Variants in FAM174B observed in about 807,000 individuals in gnomAD.
FAM174B encodes the protein family with sequence similarity 174 member B.
A neutral mutation model predicts 10.9 loss-of-function variants in FAM174B; 12 were observed. The ratio of observed to expected loss-of-function variants is 1.10; its 90% CI spans 0.71 to 1.79. The LOEUF (loss-of-function observed/expected upper bound fraction) is 1.79. Among genes scored for constraint, FAM174B ranks in the 40% most tolerant of loss-of-function variants. The probability of loss-of-function intolerance (pLI) is 0.00; values close to 1 mark genes in which losing one functional copy is unlikely to be tolerated. For missense variants in FAM174B, 266 were observed against 233.3 expected (o/e 1.14, Z -0.91); for synonymous variants, 132 against 115.8 (o/e 1.14, Z -0.90).
At chr15:92,650,802 C>T (rs1269310028) in intron 1 of FAM174B, among the ~76,000 whole-genome samples, 2 of 152,192 alleles carry the variant, frequency 1.3e-5, no homozygotes, top group Non-Finnish European at 1.5e-5. Flanking sequence ...AGCCTCTTTG[C>T]TGATTCCCTT....
chr15:92,635,579 CTTT>C (rs34666199), intron 1 of FAM174B, among the ~76,000 whole-genome samples: 11 of 128,246 alleles, frequency 8.6e-5, no homozygotes, highest in Admixed American at 1.6e-4. Flanking sequence ...ATATTTCTTT[CTTT>C]TTTTTTTTTT....
intron 2 of FAM174B, among the ~76,000 whole-genome samples, chr15:92,629,971 A>T (rs932620269): frequency 6.6e-6 from 1 of 152,182 alleles, no homozygotes; most frequent in East Asian, 1.9e-4. Flanking sequence ...AGGCCTCTGC[A>T]GCCATGTGGA....
At chr15:92,635,848 T>C (rs1454712766) in intron 1 of FAM174B, among the ~76,000 whole-genome samples, 1 of 152,170 alleles carries the variant, frequency 6.6e-6, no homozygotes, top group East Asian at 1.9e-4. Flanking sequence ...CCCAAAGTGC[T>C]GGGATTACAG....
At chr15:92,638,746 G>A (rs1215751041) in intron 1 of FAM174B, among the ~76,000 whole-genome samples, 1 of 152,126 alleles carries the variant, frequency 6.6e-6, no homozygotes, top group African/African-American at 2.4e-5. Context: ...TACTCCAGGG[G>A]GCCACAGGCT....
rs116839758 is a variant in FAM174B at position 92,634,952 on chromosome 15, C to A, written c.345-4607G>T. Among the ~76,000 whole-genome samples the A allele has an allele frequency of 9.8e-3, 1,491 of 152,304 alleles. 16 individuals carry two copies. Among genetic ancestry groups the A allele is most frequent in the African/African-American group, 0.027 (1,110 of 41,542 alleles). ...TTTCCTGCCTTGGGACTCAAACTAA[C>A]ACATCGGCTCTTTGTGAGTCTGCAG... On this transcript the variant is annotated intron_variant, in intron 1 of 2. Coordinates refer to ENST00000327355, the MANE Select transcript of FAM174B (RefSeq NM_207446.3).
At chr15:92,652,473 G>C (rs766958523) in intron 1 of FAM174B, among the ~76,000 whole-genome samples, 4 of 152,174 alleles carry the variant, frequency 2.6e-5, no homozygotes, top group Non-Finnish European at 4.4e-5. Context: ...AGCCGAGATG[G>C]GGGCTCAGGA....
rs540431511 is a variant in FAM174B, at chr15:92,619,042, T to C, written c.*414A>G. The C allele has an allele frequency of 2.7e-6, 1 of 374,538 alleles. No individual in the cohort carries two copies. The highest frequency in any genetic ancestry group is 4.7e-5 in the Admixed American group (1 of 21,134). 23.2% of individuals were successfully genotyped at this position (374,538 alleles called of 1,614,324 possible). ...TCCAGTAGAGAAGAATGTCGGAAAT[T>C]CTAAATACACAGTTGGACATCCTTC... On this transcript the variant is annotated 3_prime_UTR_variant, in exon 3 of 3. Transcript: ENST00000327355.
At chr15:92,652,500 A>T (rs577495967) in intron 1 of FAM174B, among the ~76,000 whole-genome samples, 119 of 152,272 alleles carry the variant, frequency 7.8e-4, no homozygotes, top group African/African-American at 2.8e-3. Flanking sequence ...CAGCACCCTG[A>T]TCTGAAGAGT....
chr15:92,655,042 A>G, intron 1 of FAM174B: 1 of 308,562 alleles, frequency 3.2e-6, no homozygotes, highest in Non-Finnish European at 5.8e-6. Context: ...GTTAGTGTTC[A>G]GCATTAGCAG....
intron 2 of FAM174B, among the ~76,000 whole-genome samples, chr15:92,620,252 A>C (rs764147313): frequency 6.6e-6 from 1 of 152,216 alleles, no homozygotes; most frequent in Admixed American, 6.5e-5. Context: ...TAATCCCAGC[A>C]CTTTGGGAGG....
chr15:92,619,402 C>G lies in FAM174B; in HGVS notation c.*54G>C, dbSNP rs752183688. The G allele has an allele frequency of 6.2e-7, 1 of 1,612,306 alleles. No homozygotes were observed. The highest frequency in any genetic ancestry group is 8.5e-7 in the Non-Finnish European group (1 of 1,178,408). The stretch of plus-strand genomic sequence containing the variant: ...CTTCCAGGTCCAGTCCTTCACACCC[C>G]AGGTTGCAGCTGACCAACTTTCCAC... On this transcript the variant is annotated 3_prime_UTR_variant, in exon 3 of 3. Transcript: ENST00000327355.
At chr15:92,648,192 G>A (rs2050941093) in intron 1 of FAM174B, among the ~76,000 whole-genome samples, 1 of 152,122 alleles carries the variant, frequency 6.6e-6, no homozygotes, top group South Asian at 2.1e-4. Flanking sequence ...GCTGAAACCT[G>A]ACCACCTCGG....
At position 92,654,787 on chromosome 15, in the gene FAM174B, C is replaced by CAA. The variant is rs5814547; in HGVS notation, c.344+527_344+528dup. ...CACTAGAAACTGCTTCTTTCAGTAG[C>CAA]AAAAAAAAAAAAAAGAAGAAGAAGA... On this transcript the variant is annotated intron_variant, in intron 1 of 2. Transcript: ENST00000327355. 8.6e-3 allele frequency among the ~76,000 whole-genome samples: 1,178 copies of CAA among 136,952 alleles called. 15 individuals are homozygous for CAA. Among genetic ancestry groups the CAA allele is most frequent in the Non-Finnish European group, 0.01 (680 of 65,132 alleles). 89.8% of individuals were successfully genotyped at this position (136,952 alleles called of 152,430 possible). A position where few individuals can be genotyped will look rare whatever the true frequency, so the allele number is the denominator to read the frequency against.
At chr15:92,633,822 T>C (rs2050835077) in intron 1 of FAM174B, among the ~76,000 whole-genome samples, 1 of 151,844 alleles carries the variant, frequency 6.6e-6, no homozygotes, top group Admixed American at 6.6e-5. Context: ...TCCAAAGGAG[T>C]AAAATAAATC....
intron 1 of FAM174B, among the ~76,000 whole-genome samples, chr15:92,652,565 G>A (rs2050973517): frequency 6.6e-6 from 1 of 152,192 alleles, no homozygotes; most frequent in African/African-American, 2.4e-5. Context: ...GCAGGGAGGG[G>A]TAGAAGAAGG....
chr15:92,630,850 T>C (rs1211614454), intron 1 of FAM174B, among the ~76,000 whole-genome samples: 1 of 64,280 alleles, frequency 1.6e-5, no homozygotes, highest in African/African-American at 3.8e-5. Flanking sequence ...TATTACATAT[T>C]ACATGTTACA....
At chr15:92,647,301 A>G (rs1281718311) in intron 1 of FAM174B, among the ~76,000 whole-genome samples, 1 of 152,022 alleles carries the variant, frequency 6.6e-6, no homozygotes, top group Non-Finnish European at 1.5e-5. Flanking sequence ...CTCCTCCACC[A>G]TGCCTTCCCA....
intron 2 of FAM174B, 174 bp from the exon 3 acceptor site, chr15:92,619,633 A>C: frequency 3.0e-6 from 2 of 668,374 alleles, no homozygotes; most frequent in South Asian, 2.0e-5. Flanking sequence ...CTTCCAGCAA[A>C]CCCCCTCCCT....
chr15:92,648,578 A>T (rs952350484), intron 1 of FAM174B, among the ~76,000 whole-genome samples: 4 of 152,168 alleles, frequency 2.6e-5, no homozygotes, highest in African/African-American at 9.7e-5. Flanking sequence ...TTTTTCCTAC[A>T]AACTCACTCA....
Sources: allele counts gnomAD v4.1 joint callset (sites outside exome capture counted in the v4.1 genomes callset), GRCh38; gene constraint gnomAD v4.1.1; transcripts MANE v1.5; gene names NCBI Gene and HGNC (gene_info 2026-07-23, HGNC 2026-07-21).